Variants in NLGN1 observed in about 807,000 individuals in gnomAD.
The protein encoded by NLGN1 is neuroligin-1.
A neutral mutation model predicts 65.5 loss-of-function variants in NLGN1; 12 were observed. The ratio of observed to expected loss-of-function variants is 0.18; its 90% CI spans 0.12 to 0.30. The LOEUF (loss-of-function observed/expected upper bound fraction) is 0.30. Ranked by LOEUF, NLGN1 falls within the 10% of genes least tolerant of loss-of-function variation. The pLI is 1.00. For synonymous variants in NLGN1, 350 were observed against 359.5 expected (o/e 0.97, Z 0.30); for missense variants, 750 against 1,007.1 (o/e 0.74, Z 3.46).
At chr3:173,766,240 C>T (rs1033626686) in intron 3 of NLGN1, among the ~76,000 whole-genome samples, 2 of 151,988 alleles carry the variant, frequency 1.3e-5, no homozygotes. Flanking sequence ...AGACACCCAC[C>T]ACCATGCCCA....
intron 4 of NLGN1, among the ~76,000 whole-genome samples, chr3:174,047,734 G>A (rs970623112): frequency 6.0e-5 from 9 of 150,990 alleles, no homozygotes; most frequent in African/African-American, 1.2e-4. Context: ...GTATCTATTC[G>A]TATTCCTATC....
downstream of NLGN1, among the ~76,000 whole-genome samples, chr3:174,287,349 G>A (rs1246289417): frequency 6.6e-6 from 1 of 151,116 alleles, no homozygotes; most frequent in Non-Finnish European, 1.5e-5. Context: ...GTTTCCAATG[G>A]CTGAATAAAA....
At chr3:173,929,176 G>C (rs1743582371) in intron 4 of NLGN1, among the ~76,000 whole-genome samples, 2 of 152,188 alleles carry the variant, frequency 1.3e-5, no homozygotes, top group African/African-American at 4.8e-5. Flanking sequence ...CTTACATGAA[G>C]TTCTTACTTT....
chr3:174,247,356 C>T (rs1013986623), intron 4 of NLGN1, among the ~76,000 whole-genome samples: 26 of 152,194 alleles, frequency 1.7e-4, no homozygotes, highest in African/African-American at 6.3e-4. Context: ...AGTCATTGAG[C>T]TTCCATTTAA....
intron 2 of NLGN1, among the ~76,000 whole-genome samples, chr3:173,569,274 GT>G (rs1659196965): frequency 6.6e-6 from 1 of 152,002 alleles, no homozygotes; most frequent in Non-Finnish European, 1.5e-5. Context: ...GTGAGCTTTA[GT>G]TTATTTACTT....
At chr3:174,219,077 A>G (rs1244337149) in intron 4 of NLGN1, among the ~76,000 whole-genome samples, 2 of 152,096 alleles carry the variant, frequency 1.3e-5, no homozygotes, top group East Asian at 1.9e-4. Context: ...ATTTCAGGCA[A>G]CTTGTCAGGA....
intron 1 of NLGN1, among the ~76,000 whole-genome samples, chr3:173,413,839 G>A (rs1405726911): frequency 6.6e-6 from 1 of 152,106 alleles, no homozygotes; most frequent in African/African-American, 2.4e-5. Context: ...ATGGGCAAAA[G>A]GTTTCAAGAA....
At chr3:173,768,775 TTTG>T (rs1211369668) in intron 3 of NLGN1, among the ~76,000 whole-genome samples, 2 of 151,966 alleles carry the variant, frequency 1.3e-5, no homozygotes, top group South Asian at 2.1e-4. Flanking sequence ...AAACTAACAT[TTTG>T]TTGTTGTTGC....
chr3:174,083,404 A>G (rs1408530340), intron 4 of NLGN1, among the ~76,000 whole-genome samples: 1 of 152,218 alleles, frequency 6.6e-6, no homozygotes, highest in African/African-American at 2.4e-5. Context: ...TGTCTCGCAC[A>G]TAGTAGGTAG....
chr3:173,511,558 T>C (rs1023496870), intron 2 of NLGN1, among the ~76,000 whole-genome samples: 1 of 152,210 alleles, frequency 6.6e-6, no homozygotes, highest in African/African-American at 2.4e-5. Context: ...GCTTCAAATA[T>C]TGCTTCTGTT....
At chr3:174,209,763 G>A (rs1346700505) in intron 4 of NLGN1, among the ~76,000 whole-genome samples, 1 of 150,454 alleles carries the variant, frequency 6.6e-6, no homozygotes, top group South Asian at 2.1e-4. Flanking sequence ...CTCCCGAGTA[G>A]CTGGGGTTAC....
intron 4 of NLGN1, among the ~76,000 whole-genome samples, chr3:174,150,000 C>G (rs1190374978): frequency 6.6e-6 from 1 of 152,044 alleles, no homozygotes; most frequent in East Asian, 1.9e-4. Context: ...TCATAATCTC[C>G]AACATTTTAC....
intron 3 of NLGN1, among the ~76,000 whole-genome samples, chr3:173,667,410 A>T (rs1473541539): frequency 6.6e-6 from 1 of 152,152 alleles, no homozygotes; most frequent in East Asian, 1.9e-4. Flanking sequence ...AATGGTGAAA[A>T]TAAGACAGAG....
rs183313909 is a variant in NLGN1 at position 173,513,166 on chromosome 3, C to A, written c.-321+78088C>A. Among the ~76,000 whole-genome samples the A allele has an allele frequency of 2.9e-3, 440 of 152,292 alleles. 3 individuals are homozygous for A. The highest frequency in any genetic ancestry group is 0.01 in the Middle Eastern group (3 of 294). On this transcript the variant is annotated intron_variant, in intron 2 of 6. Coordinates refer to ENST00000457714, the Ensembl canonical transcript of NLGN1. Reference sequence around the variant, plus strand: ...TTTCTCCTGAGGGCAGACTTTGTTACAGAATGTTCTGATGTATTTGAAATG... The same window carrying A: ...TTTCTCCTGAGGGCAGACTTTGTTAAAGAATGTTCTGATGTATTTGAAATG...
chr3:174,242,684 A>T (rs1336041015), intron 4 of NLGN1, among the ~76,000 whole-genome samples: 5 of 152,154 alleles, frequency 3.3e-5, no homozygotes, highest in Admixed American at 3.3e-4. Context: ...AAACAAGTTG[A>T]GGGTTCCACT....
At chr3:174,121,791 A>T (rs1468433680) in intron 4 of NLGN1, among the ~76,000 whole-genome samples, 2 of 152,182 alleles carry the variant, frequency 1.3e-5, no homozygotes, top group Non-Finnish European at 1.5e-5. Context: ...CATTTAACTT[A>T]CATAGGATTT....
intron 4 of NLGN1, among the ~76,000 whole-genome samples, chr3:173,983,752 G>A (rs1013921600): frequency 6.6e-6 from 1 of 151,984 alleles, no homozygotes; most frequent in Admixed American, 6.6e-5. Context: ...TCACCTTCAC[G>A]GAGCAGACTT....
At chr3:173,695,276 T>A (rs1766040986) in intron 3 of NLGN1, among the ~76,000 whole-genome samples, 1 of 152,176 alleles carries the variant, frequency 6.6e-6, no homozygotes, top group South Asian at 2.1e-4. Flanking sequence ...CCAAACATTA[T>A]TAATACAGTC....
At chr3:173,453,725 T>G (rs1484601335) in intron 2 of NLGN1, among the ~76,000 whole-genome samples, 8 of 152,190 alleles carry the variant, frequency 5.3e-5, no homozygotes, top group Admixed American at 5.2e-4. Flanking sequence ...TACTTTTAAT[T>G]CTAGTTCTCT....
Sources: gnomAD v4.1 joint callset for allele counts (sites outside exome capture counted in the v4.1 genomes callset) on GRCh38, gnomAD v4.1.1 for gene constraint, MANE v1.5 for transcripts, NCBI Gene and HGNC (gene_info 2026-07-23, HGNC 2026-07-21) for gene names.